CPXM2: variants seen among roughly 807,000 people sequenced by gnomAD.
CPXM2 encodes the protein inactive carboxypeptidase-like protein X2.
CPXM2 carries 66 observed loss-of-function variants against 86.1 expected under a neutral mutation model. That is an observed-to-expected ratio of 0.77 (90% CI 0.63 to 0.94). The LOEUF (loss-of-function observed/expected upper bound fraction) is 0.94, where lower values mean the gene tolerates loss of function less well. Ranked by LOEUF, CPXM2 falls within the 40% of genes least tolerant of loss-of-function variation. CPXM2 has a pLI of 0.00. For missense variants in CPXM2, 948 were observed against 1,026.3 expected (o/e 0.92, Z 1.04); for synonymous variants, 388 against 400.2 (o/e 0.97, Z 0.36).
intron 4 of CPXM2, among the ~76,000 whole-genome samples, chr10:123,817,647 T>A (rs1363037576): frequency 6.6e-6 from 1 of 152,178 alleles, no homozygotes; most frequent in South Asian, 2.1e-4. Flanking sequence ...ACAAGTAAGT[T>A]ACATGAGGAA....
intron 3 of CPXM2, among the ~76,000 whole-genome samples, chr10:123,844,949 C>A (rs1045234486): frequency 6.6e-6 from 1 of 151,662 alleles, no homozygotes; most frequent in Non-Finnish European, 1.5e-5. Flanking sequence ...ACGTCTGTAA[C>A]CCTAGCTACT....
chr10:123,785,753 C>T (rs944248723), intron 6 of CPXM2, among the ~76,000 whole-genome samples: 2 of 151,990 alleles, frequency 1.3e-5, no homozygotes, highest in Non-Finnish European at 2.9e-5. Context: ...CTGTCTCAGC[C>T]TCCCGAGTAG....
At chr10:123,940,292 T>A (rs1275900875), upstream of CPXM2, 1 of 152,312 alleles carries the variant, frequency 6.6e-6, no homozygotes, top group Non-Finnish European at 1.5e-5. Context: ...CTTGCTGTGA[T>A]GTACACAGGA....
intron 8 of CPXM2, among the ~76,000 whole-genome samples, chr10:123,770,103 G>T (rs562258310): frequency 2.0e-4 from 30 of 152,218 alleles, no homozygotes; most frequent in Middle Eastern, 6.8e-3. Context: ...GAGAAACCAT[G>T]TCTCTACTAA....
intron 10 of CPXM2, among the ~76,000 whole-genome samples, chr10:123,764,748 A>G (rs926832383): frequency 6.6e-6 from 1 of 152,048 alleles, no homozygotes; most frequent in African/African-American, 2.4e-5. Flanking sequence ...AAGCCTCCCA[A>G]TACCCTTGTT....
rs745553793 is a variant in CPXM2 at position 123,862,612 on chromosome 10, A to C, written c.513+2T>G. 6.2e-7 allele frequency: 1 copy of C among 1,613,296 alleles called. No homozygotes were observed. Among genetic ancestry groups the C allele is most frequent in the Non-Finnish European group, 8.5e-7 (1 of 1,179,240 alleles). On this transcript the variant is annotated splice_donor_variant, in intron 3 of 13. Transcript: ENST00000241305. LOFTEE classifies it high-confidence loss of function. ...AATCCTTCCAACCACAGGGCCAGGT[A>C]CCTGGATGTTGAGTCTCCCTCGATG...
chr10:123,837,021 C>A (rs182884905), intron 4 of CPXM2, among the ~76,000 whole-genome samples: 4 of 152,258 alleles, frequency 2.6e-5, no homozygotes, highest in Admixed American at 6.5e-5. Flanking sequence ...TTCCGCCCAG[C>A]GGAGAAACAG....
intron 2 of CPXM2, among the ~76,000 whole-genome samples, chr10:123,869,522 G>C (rs1944856290): frequency 6.6e-6 from 1 of 152,186 alleles, no homozygotes; most frequent in Admixed American, 6.5e-5. Context: ...CTAGAGGAAA[G>C]GAGAGTGACA....
intron 2 of CPXM2, among the ~76,000 whole-genome samples, chr10:123,870,400 C>T (rs966273484): frequency 1.9e-4 from 29 of 152,180 alleles, no homozygotes; most frequent in African/African-American, 6.5e-4. Flanking sequence ...CGCCTCAAGA[C>T]GTGGTGGGCG....
At chr10:123,841,981 TACTC>T (rs1848396732) in intron 4 of CPXM2, among the ~76,000 whole-genome samples, 1 of 152,342 alleles carries the variant, frequency 6.6e-6, no homozygotes, top group Non-Finnish European at 1.5e-5. Context: ...CAGAACTGTG[TACTC>T]ACTGTTTGTC....
At chr10:123,752,001 C>T in intron 13 of CPXM2, 1 of 985,408 alleles carries the variant, frequency 1.0e-6, no homozygotes, top group Non-Finnish European at 1.2e-6. Flanking sequence ...CTTTTTATCT[C>T]CCACTCAGTT....
chr10:123,932,832 C>A (rs2134288164), intron 2 of CPXM2, among the ~76,000 whole-genome samples: 1 of 152,236 alleles, frequency 6.6e-6, no homozygotes, highest in South Asian at 2.1e-4. Context: ...ACAGGGAATG[C>A]AAAGGAGAGA....
At chr10:123,760,899 G>C (rs558471789) in intron 11 of CPXM2, among the ~76,000 whole-genome samples, 3 of 151,946 alleles carry the variant, frequency 2.0e-5, no homozygotes, top group Non-Finnish European at 4.4e-5. Flanking sequence ...TGATAGAGTG[G>C]GATTTGAACC....
Position 123,754,706 on chromosome 10 carries a change from G to T in CPXM2, c.1974C>A (p.Asn658Lys), listed in dbSNP as rs142684083. 2.5e-6 allele frequency: 4 copies of T among 1,610,690 alleles called. No individual in the cohort carries two copies. Among genetic ancestry groups the T allele is most frequent in the African/African-American group, 2.7e-5 (2 of 74,994 alleles). Reference protein sequence around the residue: ...VRDSHGKGIPNAIISVEGINH... With the variant: ...VRDSHGKGIPKAIISVEGINH... ...TAATGCCTTCTACGGAGATAATGGC[G>T]TTTGGGATTCCTTTTCCATGTGAAT... is the stretch of plus-strand genomic sequence containing the variant. Residue 658 changes from asparagine to lysine, a missense_variant, in exon 13 of 14, where the codon AAC becomes AAA. Physicochemically the swap from Asn to Lys is moderately conservative, Grantham distance 94. Coordinates refer to ENST00000241305, the MANE Select transcript of CPXM2 (RefSeq NM_198148.3). This position sits in a 1 kb window ranked among gnomAD's most constrained non-coding sequence, Gnocchi z 4.0.
At chr10:123,928,088 A>G (rs1945639265) in intron 2 of CPXM2, among the ~76,000 whole-genome samples, 1 of 152,062 alleles carries the variant, frequency 6.6e-6, no homozygotes, top group Admixed American at 6.6e-5. Context: ...ACTCCCCTCC[A>G]CCACCATGTA....
chr10:123,837,221 C>T (rs1422731237), intron 4 of CPXM2, among the ~76,000 whole-genome samples: 1 of 152,200 alleles, frequency 6.6e-6, no homozygotes, highest in African/African-American at 2.4e-5. Flanking sequence ...GCTGAGCCTC[C>T]CCGTCCTTGT....
intron 7 of CPXM2, chr10:123,777,052 G>A (rs968453061): frequency 6.6e-6 from 1 of 152,252 alleles, no homozygotes; most frequent in African/African-American, 2.4e-5. Flanking sequence ...GGGAAGGAAT[G>A]GAGTTGAGTG....
rs1389605565 is a variant in CPXM2 at position 123,881,268 on chromosome 10, C to T, written c.305-959G>A. 5.0e-5 allele frequency among the ~76,000 whole-genome samples: 7 copies of T among 139,574 alleles called. 3 individuals carry two copies. In the South Asian group the frequency reaches 7.0e-4, roughly 14 times the overall value. 91.6% of individuals were successfully genotyped at this position (139,574 alleles called of 152,430 possible). On this transcript the variant is annotated intron_variant, in intron 1 of 13. Coordinates refer to ENST00000241305, the MANE Select transcript of CPXM2 (RefSeq NM_198148.3). ...CTTCCCTTCCCTTCCCTTCCCTTTA[C>T]GCTCAAGCTAATTAGCTCCTACTGA...
chr10:123,762,833 A>G (rs959545711), intron 10 of CPXM2, among the ~76,000 whole-genome samples: 1 of 152,244 alleles, frequency 6.6e-6, no homozygotes, highest in Admixed American at 6.5e-5. Flanking sequence ...AGATAATCTC[A>G]GTAAGATCAA....
Sources: allele counts gnomAD v4.1 joint callset (sites outside exome capture counted in the v4.1 genomes callset), GRCh38; gene constraint gnomAD v4.1.1; non-coding constraint Gnocchi (gnomAD v3.1); transcripts MANE v1.5; gene names NCBI Gene and HGNC (gene_info 2026-07-23, HGNC 2026-07-21).